Variants in PRELID3A observed in about 807,000 individuals in gnomAD.
PRELID3A encodes the protein PRELI domain containing protein 3A.
A neutral mutation model predicts 23.0 loss-of-function variants in PRELID3A; 27 were observed. The ratio of observed to expected loss-of-function variants is 1.17; its 90% CI spans 0.87 to 1.62. The LOEUF (loss-of-function observed/expected upper bound fraction) is 1.62, where lower values mean the gene tolerates loss of function less well. PRELID3A is among the 40% of genes most tolerant of loss of function. PRELID3A has a pLI of 0.00. For missense variants in PRELID3A, 231 were observed against 231.4 expected (o/e 1.00, Z 0.01); for synonymous variants, 87 against 86.4 (o/e 1.01, Z -0.04).
intron 1 of PRELID3A, among the ~76,000 whole-genome samples, chr18:12,419,606 G>A (rs1192644853): frequency 6.6e-6 from 1 of 151,244 alleles, no homozygotes; most frequent in Non-Finnish European, 1.5e-5. Context: ...TCCAGCCTGG[G>A]TGATAGAGTG....
chr18:12,412,855 T>G (rs1395094753), intron 1 of PRELID3A, among the ~76,000 whole-genome samples: 1 of 152,250 alleles, frequency 6.6e-6, no homozygotes, highest in Non-Finnish European at 1.5e-5. Context: ...ATAATAAACC[T>G]GTTATAATGT....
intron 1 of PRELID3A, among the ~76,000 whole-genome samples, chr18:12,417,819 A>G (rs1225369307): frequency 6.6e-6 from 1 of 152,184 alleles, no homozygotes; most frequent in Non-Finnish European, 1.5e-5. Flanking sequence ...AGTGATCAGG[A>G]CCACCCAGTC....
Position 12,409,320 on chromosome 18 carries a change from T to C in PRELID3A, c.32+1313T>C, listed in dbSNP as rs1168422626. Among the ~76,000 whole-genome samples, 4 of 151,866 alleles carry C rather than the reference T, an allele frequency of 2.6e-5. No homozygotes were observed. In the East Asian group the frequency reaches 7.7e-4, roughly 29 times the overall value. On this transcript the variant is annotated intron_variant, in intron 1 of 6. Coordinates refer to ENST00000440960, the MANE Select transcript of PRELID3A (RefSeq NM_001142405.2). ...TAGCTGGGACTACAGGTGTGGGCCA[T>C]CACGCCCGGCTAATTTTTGTATTTT... is the stretch of plus-strand genomic sequence containing the variant.
In PRELID3A at chr18:12,422,361, A is replaced by ATT. The variant is rs56323525; in HGVS notation, c.291+746_291+747dup. 1.8e-3 allele frequency: 244 copies of ATT among 134,380 alleles called. 5 individuals are homozygous for ATT. Among genetic ancestry groups the ATT allele is most frequent in the East Asian group, 9.7e-3 (44 of 4,552 alleles). The allele number at this position is 134,380 out of a possible 1,614,324, so 8.3% of individuals were successfully genotyped here. On this transcript the variant is annotated intron_variant, in intron 3 of 6. Transcript: ENST00000440960. ...CTACAGGTGTGTACCACCAACAGGC[A>ATT]TTTTTTTTTTTTTTTGAGATGGAGT...
chr18:12,423,478 G>A (rs1440649631), intron 3 of PRELID3A, among the ~76,000 whole-genome samples: 1 of 152,184 alleles, frequency 6.6e-6, no homozygotes, highest in Non-Finnish European at 1.5e-5. Context: ...GTAAGGAACA[G>A]GAGGCTCACG....
At chr18:12,414,509 TG>T (rs2029885577) in intron 1 of PRELID3A, among the ~76,000 whole-genome samples, 1 of 152,182 alleles carries the variant, frequency 6.6e-6, no homozygotes, top group African/African-American at 2.4e-5. Context: ...GTGGATCACC[TG>T]AGGTCAGGAG....
chr18:12,426,563 A>AAAAAAAAAGAAAAAAAAG (rs67993774), intron 3 of PRELID3A, among the ~76,000 whole-genome samples: 1 of 87,720 alleles, frequency 1.1e-5, no homozygotes, highest in Non-Finnish European at 2.1e-5. Context: ...CAAAAAAAAA[A>AAAAAAAAAGAAAAAAAAG]AAAGTATAAA....
chr18:12,413,900 G>T (rs1426826940), intron 1 of PRELID3A, among the ~76,000 whole-genome samples: 15 of 152,166 alleles, frequency 9.9e-5, no homozygotes, highest in African/African-American at 3.6e-4. Flanking sequence ...TCACTTTAAA[G>T]CTCAAATTTT....
intron 2 of PRELID3A, 104 bp from the exon 3 acceptor site, chr18:12,421,436 C>A: frequency 1.3e-6 from 1 of 770,018 alleles, no homozygotes; most frequent in Non-Finnish European, 2.3e-6. Flanking sequence ...CCCATGATAT[C>A]ATTTCTTGAA....
chr18:12,412,330 A>G (rs1473094057), intron 1 of PRELID3A, among the ~76,000 whole-genome samples: 3 of 151,918 alleles, frequency 2.0e-5, no homozygotes, highest in Non-Finnish European at 4.4e-5. Flanking sequence ...TGGGATTACA[A>G]GCACCTGCTA....
At chr18:12,420,611 G>A in intron 2 of PRELID3A, 118 bp downstream of exon 2, 2 of 1,147,038 alleles carry the variant, frequency 1.7e-6, no homozygotes, top group Non-Finnish European at 2.3e-6. Context: ...TGCCATCGGG[G>A]TGGGAGGGCG....
At chr18:12,416,847 G>A (rs577188776) in intron 1 of PRELID3A, among the ~76,000 whole-genome samples, 73 of 151,846 alleles carry the variant, frequency 4.8e-4, no homozygotes, top group African/African-American at 1.7e-3. Flanking sequence ...GGGTTTCACC[G>A]TGTTAGCCAG....
chr18:12,413,183 A>T (rs1909972956), intron 1 of PRELID3A, among the ~76,000 whole-genome samples: 1 of 152,240 alleles, frequency 6.6e-6, no homozygotes, highest in Non-Finnish European at 1.5e-5. Context: ...ACTATAATGA[A>T]TAGAGTATTG....
At position 12,407,937 on chromosome 18, in the gene PRELID3A, C is replaced by A; in HGVS notation, c.-39C>A. The A allele has an allele frequency of 2.3e-6, 3 of 1,286,190 alleles. No individual in the cohort carries two copies. Among genetic ancestry groups the A allele is most frequent in the Non-Finnish European group, 2.9e-6 (3 of 1,020,022 alleles). 79.7% of individuals were successfully genotyped at this position (1,286,190 alleles called of 1,614,324 possible). On this transcript the variant is annotated 5_prime_UTR_variant, in exon 1 of 7. Coordinates refer to ENST00000440960, the MANE Select transcript of PRELID3A (RefSeq NM_001142405.2). ...CCGGAGCCGCGCGGCCCGAAGCACCCGGCCCGGATCGCAGAGCCCGCGCCC... is the reference window on the plus strand; with the variant it reads ...CCGGAGCCGCGCGGCCCGAAGCACCAGGCCCGGATCGCAGAGCCCGCGCCC...
chr18:12,425,403 G>T (rs1244927306), intron 3 of PRELID3A, among the ~76,000 whole-genome samples: 3 of 143,568 alleles, frequency 2.1e-5, no homozygotes, highest in African/African-American at 7.8e-5. Flanking sequence ...GGTGGATCAT[G>T]AGGTCAGGAG....
chr18:12,429,467 T>C (rs1598866921), intron 6 of PRELID3A, 31 bp downstream of exon 6: 1 of 1,440,862 alleles, frequency 6.9e-7, no homozygotes, highest in African/African-American at 1.4e-5. Flanking sequence ...CCTGGGGGGG[T>C]ACTTGCAGCC....
chr18:12,411,170 G>C (rs1264334014), intron 1 of PRELID3A, among the ~76,000 whole-genome samples: 1 of 135,906 alleles, frequency 7.4e-6, no homozygotes, highest in Non-Finnish European at 1.7e-5. Flanking sequence ...AGGGGTGAAA[G>C]TAGTTTAAAT....
chr18:12,408,822 T>C lies in PRELID3A; in HGVS notation c.32+815T>C, dbSNP rs528402765. On this transcript the variant is annotated intron_variant, in intron 1 of 6. Transcript: ENST00000440960. ...GGGTGCAAGACACCTTCCCGGGTAA[T>C]GCATACCCTAGAAGTCCTGACTTGA... Among the ~76,000 whole-genome samples, 362 of 152,272 alleles carry C rather than the reference T, an allele frequency of 2.4e-3. 1 individual carries two copies. The highest frequency in any genetic ancestry group is 6.6e-3 in the South Asian group (32 of 4,826).
In PRELID3A at chr18:12,431,457, G is replaced by A. The variant is rs1187860729; in HGVS notation, c.*341G>A. Reference sequence around the variant, plus strand: ...GGCCCAGCCCCTTCTCTCCCTGCAGGTGACCCGCGCCGCCCCCGCCCGCCC... The same window carrying A: ...GGCCCAGCCCCTTCTCTCCCTGCAGATGACCCGCGCCGCCCCCGCCCGCCC... On this transcript the variant is annotated 3_prime_UTR_variant, in exon 7 of 7. Transcript: ENST00000440960. 6.6e-6 allele frequency: 1 copy of A among 152,094 alleles called. No homozygotes were observed. The highest frequency in any genetic ancestry group is 2.4e-5 in the African/African-American group (1 of 41,384). 9.4% of individuals were successfully genotyped at this position (152,094 alleles called of 1,614,324 possible).
Sources: allele counts gnomAD v4.1 joint callset (sites outside exome capture counted in the v4.1 genomes callset), GRCh38; gene constraint gnomAD v4.1.1; transcripts MANE v1.5; gene names NCBI Gene and HGNC (gene_info 2026-07-23, HGNC 2026-07-21).